NTNG1: variants seen among roughly 807,000 people sequenced by gnomAD.
NTNG1 encodes the protein netrin G1, also known as netrin-G1.
A neutral mutation model predicts 54.0 loss-of-function variants in NTNG1; 16 were observed. The ratio of observed to expected loss-of-function variants is 0.30; its 90% CI spans 0.20 to 0.45. The LOEUF (loss-of-function observed/expected upper bound fraction) is 0.45, where lower values mean the gene tolerates loss of function less well. Among genes scored for constraint, NTNG1 ranks in the 20% least tolerant of loss-of-function variants. The probability of loss-of-function intolerance (pLI) is 1.00; values close to 1 mark genes in which losing one functional copy is unlikely to be tolerated. For missense variants in NTNG1, 530 were observed against 678.7 expected (o/e 0.78, Z 2.43); for synonymous variants, 255 against 263.1 (o/e 0.97, Z 0.30).
At chr1:107,455,743 C>G in intron 7 of NTNG1, 3 of 367,050 alleles carry the variant, frequency 8.2e-6, no homozygotes, top group South Asian at 5.8e-5. Context: ...TAGCAACTTT[C>G]ATGCTGTCGT....
At chr1:107,257,331 A>G (rs6663509) in intron 2 of NTNG1, among the ~76,000 whole-genome samples, 2,097 of 152,314 alleles carry the variant, frequency 0.014, 51 homozygotes, top group African/African-American at 0.047. Flanking sequence ...ATCTAGAGAA[A>G]TATTTGAGAA....
At chr1:107,357,340 C>T (rs1669993101) in intron 3 of NTNG1, among the ~76,000 whole-genome samples, 1 of 152,088 alleles carries the variant, frequency 6.6e-6, no homozygotes, top group Non-Finnish European at 1.5e-5. Context: ...AGCAGGCATG[C>T]AGTGAGCATG....
At chr1:107,418,422 C>T (rs1182669647) in intron 5 of NTNG1, among the ~76,000 whole-genome samples, 1 of 151,994 alleles carries the variant, frequency 6.6e-6, no homozygotes, top group East Asian at 1.9e-4. Flanking sequence ...CAATTGCTTG[C>T]TCTTGTTTGA....
chr1:107,321,528 G>A (rs186612822), intron 2 of NTNG1, among the ~76,000 whole-genome samples: 2 of 151,940 alleles, frequency 1.3e-5, no homozygotes, highest in African/African-American at 4.8e-5. Flanking sequence ...GCCTCCTCAT[G>A]TTTACAATAT....
chr1:107,285,192 C>G (rs1168316612), intron 2 of NTNG1, among the ~76,000 whole-genome samples: 12 of 152,098 alleles, frequency 7.9e-5, no homozygotes, highest in Admixed American at 7.2e-4. Context: ...TAATGTCACT[C>G]CTTTCTAGAG....
chr1:107,319,683 C>T (rs1667535250), intron 2 of NTNG1, among the ~76,000 whole-genome samples: 1 of 152,088 alleles, frequency 6.6e-6, no homozygotes, highest in South Asian at 2.1e-4. Context: ...AAACGCGTCT[C>T]ACATTCACTT....
intron 2 of NTNG1, among the ~76,000 whole-genome samples, chr1:107,181,129 A>G (rs928965776): frequency 2.0e-5 from 3 of 152,222 alleles, no homozygotes; most frequent in Admixed American, 2.0e-4. Flanking sequence ...TGAGCACTCC[A>G]AGATTGATTT....
intron 2 of NTNG1, among the ~76,000 whole-genome samples, chr1:107,248,807 A>C (rs756919342): frequency 6.6e-6 from 1 of 152,056 alleles, no homozygotes; most frequent in Non-Finnish European, 1.5e-5. Flanking sequence ...TAAATCCTTA[A>C]GAATGTTGGT....
chr1:107,155,575 C>T (rs6694067), intron 2 of NTNG1, among the ~76,000 whole-genome samples: 17,255 of 152,094 alleles, frequency 0.11, 1,275 homozygotes, highest in South Asian at 0.16. Flanking sequence ...CATACACATT[C>T]GCTTCATGTT....
chr1:107,253,573 T>C (rs1662746487), intron 2 of NTNG1, among the ~76,000 whole-genome samples: 1 of 152,242 alleles, frequency 6.6e-6, no homozygotes, highest in South Asian at 2.1e-4. Flanking sequence ...CATTTTCATT[T>C]GTTGGGGCAT....
intron 6 of NTNG1, among the ~76,000 whole-genome samples, chr1:107,436,428 C>T (rs1675598757): frequency 6.6e-6 from 1 of 152,284 alleles, no homozygotes; most frequent in East Asian, 1.9e-4. Flanking sequence ...CAGTGAAAAG[C>T]ATGTCTTATT....
intron 7 of NTNG1, among the ~76,000 whole-genome samples, chr1:107,455,100 G>A (rs769473866): frequency 1.4e-5 from 2 of 146,376 alleles, no homozygotes; most frequent in African/African-American, 2.5e-5. Context: ...ATTTGCTTTT[G>A]TCGCCCAGGC....
chr1:107,238,295 T>C (rs1019087157), intron 2 of NTNG1, among the ~76,000 whole-genome samples: 9 of 152,304 alleles, frequency 5.9e-5, no homozygotes, highest in Admixed American at 5.2e-4. Flanking sequence ...AATGGCTGTG[T>C]TTATCCAATG....
At chr1:107,431,431 A>G (rs1675259567) in intron 6 of NTNG1, among the ~76,000 whole-genome samples, 1 of 152,140 alleles carries the variant, frequency 6.6e-6, no homozygotes, top group Non-Finnish European at 1.5e-5. Context: ...AGTTTGTCTG[A>G]CTTCTTCATC....
chr1:107,246,121 C>T lies in NTNG1; in HGVS notation c.247-78161C>T, dbSNP rs189350538. On this transcript the variant is annotated intron_variant, in intron 2 of 7. Coordinates refer to ENST00000370068, the MANE Select transcript of NTNG1 (RefSeq NM_001113226.3). ...GGCTGGAGTACAGTGGTGTGATCTC[C>T]GCTCACTGCAAGCTCCGCCTCCTGG... is the stretch of plus-strand genomic sequence containing the variant. Among the ~76,000 whole-genome samples, 794 of 152,076 alleles carry T rather than the reference C, an allele frequency of 5.2e-3. 6 individuals are homozygous for T. The highest frequency in any genetic ancestry group is 0.016 in the African/African-American group (655 of 41,482).
intron 2 of NTNG1, among the ~76,000 whole-genome samples, chr1:107,193,709 A>C (rs1658123485): frequency 6.6e-6 from 1 of 151,994 alleles, no homozygotes; most frequent in Non-Finnish European, 1.5e-5. Context: ...CCACCGTCTT[A>C]GTTCAAACCC....
intron 2 of NTNG1, among the ~76,000 whole-genome samples, chr1:107,234,739 G>T (rs1391334392): frequency 6.6e-6 from 1 of 152,192 alleles, no homozygotes; most frequent in Non-Finnish European, 1.5e-5. Context: ...TCCCCATGGA[G>T]AAAGCATTGA....
chr1:107,456,412 G>C (rs906680009), intron 7 of NTNG1, among the ~76,000 whole-genome samples: 1 of 152,168 alleles, frequency 6.6e-6, no homozygotes, highest in Non-Finnish European at 1.5e-5. Context: ...GCATGAGCAA[G>C]TTCTGTCTCA....
chr1:107,357,168 C>T (rs1266752108), intron 3 of NTNG1, among the ~76,000 whole-genome samples: 2 of 152,120 alleles, frequency 1.3e-5, no homozygotes, highest in Non-Finnish European at 2.9e-5. Flanking sequence ...ACAATTGTGT[C>T]CATGGATTCT....
Sources: gnomAD v4.1 joint callset for allele counts (sites outside exome capture counted in the v4.1 genomes callset) on GRCh38, gnomAD v4.1.1 for gene constraint, MANE v1.5 for transcripts, NCBI Gene and HGNC (gene_info 2026-07-23, HGNC 2026-07-21) for gene names.